The following MGMT variants were observed in gnomAD, a reference collection of about 807,000 sequenced individuals.
The protein encoded by MGMT is methylated-DNA--protein-cysteine methyltransferase.
A neutral mutation model predicts 15.9 loss-of-function variants in MGMT; 14 were observed. That is an observed-to-expected ratio of 0.88 (90% CI 0.58 to 1.37). The LOEUF (loss-of-function observed/expected upper bound fraction) is 1.37, where lower values mean the gene tolerates loss of function less well. MGMT is among the 40% of genes most tolerant of loss of function. The probability of loss-of-function intolerance (pLI) is 0.00; values close to 1 mark genes in which losing one functional copy is unlikely to be tolerated. For synonymous variants in MGMT, 130 were observed against 118.2 expected (o/e 1.10, Z -0.65); for missense variants, 282 against 268.1 (o/e 1.05, Z -0.36).
intron 3 of MGMT, among the ~76,000 whole-genome samples, chr10:129,749,928 T>C (rs1359894321): frequency 6.6e-6 from 1 of 152,184 alleles, no homozygotes; most frequent in Non-Finnish European, 1.5e-5. Flanking sequence ...TTTGGTGAAG[T>C]GTCTGTTAAG....
chr10:129,489,888 G>A (rs1221129776), intron 1 of MGMT, among the ~76,000 whole-genome samples: 1 of 1,982 alleles, frequency 5.0e-4, no homozygotes. Flanking sequence ...ACAGAGTTTT[G>A]CTTCTTCTAC....
intron 2 of MGMT, among the ~76,000 whole-genome samples, chr10:129,677,736 G>GC (rs1177645467): frequency 2.0e-5 from 3 of 152,134 alleles, no homozygotes; most frequent in South Asian, 2.1e-4. Flanking sequence ...TGATCGGACT[G>GC]CCCCCCACAA....
chr10:129,682,972 C>A (rs962650970), intron 2 of MGMT, among the ~76,000 whole-genome samples: 4 of 152,154 alleles, frequency 2.6e-5, no homozygotes, highest in African/African-American at 9.7e-5. Context: ...CCTCAGCCTC[C>A]CAAGTAGCTG....
At chr10:129,541,397 C>T (rs752132850) in intron 2 of MGMT, among the ~76,000 whole-genome samples, 3 of 152,250 alleles carry the variant, frequency 2.0e-5, no homozygotes, top group South Asian at 2.1e-4. Context: ...GCCATCTTCC[C>T]GCAGCTGCAG....
chr10:129,540,876 C>T lies in MGMT; in HGVS notation c.125+4499C>T, dbSNP rs113196024. 2.6e-3 allele frequency among the ~76,000 whole-genome samples: 397 copies of T among 152,328 alleles called. 4 individuals carry two copies. Among genetic ancestry groups the T allele is most frequent in the African/African-American group, 8.9e-3 (372 of 41,578 alleles). Reference sequence around the variant, plus strand: ...AATTGGGTGCTGCCTTCCCTCATCTCGGGGTGCTCCCACCTGGAGCCATCT... The same window carrying T: ...AATTGGGTGCTGCCTTCCCTCATCTTGGGGTGCTCCCACCTGGAGCCATCT... On this transcript the variant is annotated intron_variant, in intron 2 of 4. Coordinates refer to ENST00000651593, the MANE Select transcript of MGMT (RefSeq NM_002412.5).
intron 2 of MGMT, among the ~76,000 whole-genome samples, chr10:129,676,768 G>A (rs1437383930): frequency 6.7e-6 from 1 of 149,828 alleles, no homozygotes; most frequent in Non-Finnish European, 1.5e-5. Flanking sequence ...TATGCAAGCA[G>A]ATACATACAT....
At chr10:129,721,760 A>G (rs1848374014) in intron 3 of MGMT, among the ~76,000 whole-genome samples, 1 of 151,982 alleles carries the variant, frequency 6.6e-6, no homozygotes. Context: ...AAATAACCAG[A>G]ATCTATAGCT....
chr10:129,712,969 A>G (rs968848338), intron 3 of MGMT, among the ~76,000 whole-genome samples: 2 of 152,144 alleles, frequency 1.3e-5, no homozygotes, highest in Non-Finnish European at 2.9e-5. Context: ...AATGTGCCTT[A>G]TAAGTCGTGA....
At chr10:129,618,577 ATTT>A (rs1847055264) in intron 2 of MGMT, among the ~76,000 whole-genome samples, 1 of 151,926 alleles carries the variant, frequency 6.6e-6, no homozygotes, top group East Asian at 1.9e-4. Context: ...CTATAGATCT[ATTT>A]GCAGAGATAT....
intron 1 of MGMT, among the ~76,000 whole-genome samples, chr10:129,506,673 A>G (rs964035657): frequency 6.6e-6 from 1 of 152,138 alleles, no homozygotes; most frequent in Non-Finnish European, 1.5e-5. Flanking sequence ...TCTCGTTCCT[A>G]TAATCCGCTC....
chr10:129,767,922 T>C lies in MGMT; in HGVS notation c.*925T>C, dbSNP rs1021175901. On this transcript the variant is annotated 3_prime_UTR_variant, in exon 5 of 5. Coordinates refer to ENST00000651593, the MANE Select transcript of MGMT (RefSeq NM_002412.5). Reference sequence around the variant, plus strand: ...CCAGCATGGGCGGTGCGCTGCTGTCTGATACTTCATTATTGTGTTGTCATC... The same window carrying C: ...CCAGCATGGGCGGTGCGCTGCTGTCCGATACTTCATTATTGTGTTGTCATC... 1 of 152,256 alleles carries C rather than the reference T, an allele frequency of 6.6e-6. No homozygotes were observed. The highest frequency in any genetic ancestry group is 2.4e-5 in the African/African-American group (1 of 41,472). 9.4% of individuals were successfully genotyped at this position (152,256 alleles called of 1,614,324 possible). A position where few individuals can be genotyped will look rare whatever the true frequency, so the allele number is the denominator to read the frequency against.
intron 3 of MGMT, among the ~76,000 whole-genome samples, chr10:129,725,897 T>G (rs185819554): frequency 5.3e-5 from 8 of 152,346 alleles, no homozygotes; most frequent in Non-Finnish European, 1.2e-4. Context: ...TGTTCTGCCT[T>G]CTCAACCAGC....
At chr10:129,604,714 CCTGCACCCCACCTCG>C in intron 2 of MGMT, among the ~76,000 whole-genome samples, 1 of 150,066 alleles carries the variant, frequency 6.7e-6, no homozygotes, top group Admixed American at 6.7e-5. Context: ...GCAGGCCCCA[CCTGCACCCCACCTCG>C]CCGCCCCACC....
intron 1 of MGMT, among the ~76,000 whole-genome samples, chr10:129,507,034 T>G (rs1845632726): frequency 6.6e-6 from 1 of 152,196 alleles, no homozygotes; most frequent in African/African-American, 2.4e-5. Flanking sequence ...AACCTCAGTT[T>G]CCCTGTGTCT....
intron 2 of MGMT, among the ~76,000 whole-genome samples, chr10:129,703,802 T>A (rs895090954): frequency 6.6e-6 from 1 of 152,138 alleles, no homozygotes; most frequent in African/African-American, 2.4e-5. Context: ...CCCCTTCCTG[T>A]CCCATCCCTC....
rs118180165 is a variant in MGMT, at chr10:129,739,277, A to G, written c.275-19925A>G. The stretch of plus-strand genomic sequence containing the variant: ...ATGCAGTCTCTCACCACTCCTGTTC[A>G]ACATACTGCTGGAAGTTCTGGCTAG... On this transcript the variant is annotated intron_variant, in intron 3 of 4. Transcript: ENST00000651593. Among the ~76,000 whole-genome samples the G allele has an allele frequency of 1.8e-3, 270 of 152,354 alleles. 2 individuals are homozygous for G. In the East Asian group the frequency reaches 0.028, roughly 16 times the overall value.
chr10:129,541,235 C>A (rs778589611), intron 2 of MGMT, among the ~76,000 whole-genome samples: 1 of 152,246 alleles, frequency 6.6e-6, no homozygotes, highest in Non-Finnish European at 1.5e-5. Flanking sequence ...GTGAGAAGCA[C>A]ATCAGTTGGG....
Position 129,766,940 on chromosome 10 carries a change from G to A in MGMT, c.567G>A (p.Gly189=), listed in dbSNP as rs1303665750. The change falls in exon 5 of 5, where the codon GGG becomes GGA. Residue 189 remains glycine (G), a synonymous_variant. Coordinates refer to ENST00000651593, the MANE Select transcript of MGMT (RefSeq NM_002412.5). ...TGGGAGGGAGCTCAGGTCTGGCAGG[G>A]GCCTGGCTCAAGGGAGCGGGAGCTA... is the stretch of plus-strand genomic sequence containing the variant. ...PGLGGSSGLA[G]AWLKGAGATS... is the part of the protein sequence containing the mutation. 5 of 1,612,976 alleles carry A rather than the reference G, an allele frequency of 3.1e-6. No individual in the cohort carries two copies. The African/African-American group carries it at 5.3e-5, about 17-fold the overall frequency.
chr10:129,521,045 C>T (rs1019631240), intron 1 of MGMT, among the ~76,000 whole-genome samples: 30 of 151,576 alleles, frequency 2.0e-4, no homozygotes, highest in Non-Finnish European at 3.7e-4. Context: ...CTGCTGTCCC[C>T]GGATTCCTGT....
Sources: gnomAD v4.1 joint callset for allele counts (sites outside exome capture counted in the v4.1 genomes callset) on GRCh38, gnomAD v4.1.1 for gene constraint, MANE v1.5 for transcripts, NCBI Gene and HGNC (gene_info 2026-07-23, HGNC 2026-07-21) for gene names.